Variants in SDK1 observed in about 807,000 individuals in gnomAD.
The protein encoded by SDK1 is protein sidekick-1.
A neutral mutation model predicts 245.5 loss-of-function variants in SDK1; 157 were observed. The observed-to-expected ratio is 0.64, with a 90% CI of 0.56 to 0.73. The LOEUF is 0.73. SDK1 is among the 30% of genes least tolerant of loss of function. The pLI is 0.00. For synonymous variants in SDK1, 1,647 were observed against 1,278.5 expected (o/e 1.29, Z -6.15); for missense variants, 3,583 against 3,002.3 (o/e 1.19, Z -4.52).
chr7:3,491,865 A>G (rs1196391619), intron 1 of SDK1, among the ~76,000 whole-genome samples: 1 of 152,258 alleles, frequency 6.6e-6, no homozygotes, highest in Non-Finnish European at 1.5e-5. Context: ...TTTGAAAATA[A>G]TTTCAATTTA....
intron 4 of SDK1, among the ~76,000 whole-genome samples, chr7:3,718,521 CAATAAATAAATAAATA>C (rs55995629): frequency 0.36 from 48,635 of 133,548 alleles, 9,169 homozygotes; most frequent in East Asian, 0.47. Flanking sequence ...AACTGTATCT[CAATAAATAAATAAATA>C]AATAAATAAA....
intron 4 of SDK1, among the ~76,000 whole-genome samples, chr7:3,776,890 C>T (rs2115006593): frequency 6.6e-6 from 1 of 152,212 alleles, no homozygotes; most frequent in South Asian, 2.1e-4. Context: ...TTCTCAAAAT[C>T]TCCATGGTAA....
intron 4 of SDK1, among the ~76,000 whole-genome samples, chr7:3,689,880 T>A (rs1784397806): frequency 6.6e-6 from 1 of 152,248 alleles, no homozygotes; most frequent in Admixed American, 6.5e-5. Context: ...ATGTTTTATT[T>A]AGAAATGCTT....
intron 1 of SDK1, among the ~76,000 whole-genome samples, chr7:3,566,771 T>C (rs967359180): frequency 2.9e-4 from 43 of 146,580 alleles, no homozygotes; most frequent in Non-Finnish European, 4.9e-4. Context: ...ATAAGAGATA[T>C]GACCACACAC....
chr7:3,813,315 T>A (rs1193742988), intron 4 of SDK1, among the ~76,000 whole-genome samples: 1 of 141,606 alleles, frequency 7.1e-6, no homozygotes, highest in Admixed American at 7.5e-5. Context: ...CCTGTGTCCA[T>A]GTGTTCTCAT....
intron 1 of SDK1, among the ~76,000 whole-genome samples, chr7:3,560,963 C>T (rs915790917): frequency 6.6e-6 from 1 of 152,338 alleles, no homozygotes; most frequent in South Asian, 2.1e-4. Context: ...TACAATTTCG[C>T]ACCAACCCCC....
chr7:3,334,878 T>C (rs541278941), intron 1 of SDK1, among the ~76,000 whole-genome samples: 2 of 152,260 alleles, frequency 1.3e-5, no homozygotes, highest in South Asian at 4.1e-4. Context: ...TCTTGATTTT[T>C]CTTTTTTTTC....
intron 5 of SDK1, among the ~76,000 whole-genome samples, chr7:3,880,970 A>G (rs1340113246): frequency 2.0e-5 from 3 of 152,230 alleles, no homozygotes; most frequent in African/African-American, 7.2e-5. Flanking sequence ...AGAAATGAGT[A>G]ACAAGCCGCC....
intron 1 of SDK1, among the ~76,000 whole-genome samples, chr7:3,394,253 A>C (rs960438477): frequency 3.3e-5 from 5 of 152,074 alleles, no homozygotes; most frequent in Non-Finnish European, 7.4e-5. Flanking sequence ...ATCTTTTTGC[A>C]TGTGGATATC....
In SDK1 at chr7:3,753,381, C is replaced by G. The variant is rs181170548; in HGVS notation, c.714-68069C>G. On this transcript the variant is annotated intron_variant, in intron 4 of 44. Transcript: ENST00000404826. ...ATTAGAGATGCAAGCATGCAGGTTT[C>G]CTAAACTGAAGAGACATTGCCCCTT... Among the ~76,000 whole-genome samples, 69 of 152,202 alleles carry G rather than the reference C, an allele frequency of 4.5e-4. 1 individual carries two copies. The highest frequency in any genetic ancestry group is 3.1e-3 in the Admixed American group (47 of 15,284).
At chr7:3,862,549 C>T (rs1242457679) in intron 5 of SDK1, among the ~76,000 whole-genome samples, 2 of 152,198 alleles carry the variant, frequency 1.3e-5, no homozygotes, top group Non-Finnish European at 2.9e-5. Context: ...TCAGATAATG[C>T]TTCCTAATTC....
At chr7:4,059,941 G>A (rs1007019035) in intron 19 of SDK1, among the ~76,000 whole-genome samples, 6 of 150,494 alleles carry the variant, frequency 4.0e-5, no homozygotes, top group Admixed American at 6.6e-5. Flanking sequence ...GTGCAGTGGC[G>A]CAGTCTCGGC....
chr7:3,688,683 G>T (rs1705973777), intron 4 of SDK1, among the ~76,000 whole-genome samples: 1 of 152,204 alleles, frequency 6.6e-6, no homozygotes, highest in African/African-American at 2.4e-5. Context: ...GGAGTAGATA[G>T]TATGTAAAGT....
At chr7:3,328,677 C>A (rs1416847456) in intron 1 of SDK1, among the ~76,000 whole-genome samples, 4 of 151,854 alleles carry the variant, frequency 2.6e-5, no homozygotes, top group African/African-American at 7.3e-5. Context: ...AAAATTCATA[C>A]AAATAGGATG....
At chr7:4,002,948 G>A (rs1785183400) in intron 14 of SDK1, among the ~76,000 whole-genome samples, 1 of 152,236 alleles carries the variant, frequency 6.6e-6, no homozygotes, top group African/African-American at 2.4e-5. Context: ...TTCCCAGAGG[G>A]CACTGGGCAG....
intron 44 of SDK1, among the ~76,000 whole-genome samples, chr7:4,248,861 A>T (rs1787100002): frequency 6.6e-6 from 1 of 152,148 alleles, no homozygotes; most frequent in Non-Finnish European, 1.5e-5. Context: ...ATGCATATAT[A>T]CACGTGCATG....
At chr7:4,185,060 C>G (rs141922665) in intron 35 of SDK1, among the ~76,000 whole-genome samples, 2,102 of 152,274 alleles carry the variant, frequency 0.014, 23 homozygotes, top group Middle Eastern at 0.02. Flanking sequence ...TCCTGAGGTG[C>G]CCAAAGCCAG....
intron 1 of SDK1, among the ~76,000 whole-genome samples, chr7:3,370,073 T>G (rs562057830): frequency 2.0e-5 from 3 of 152,336 alleles, no homozygotes; most frequent in Admixed American, 2.0e-4. Context: ...TAATAAATAG[T>G]ATGAACATCG....
chr7:4,101,443 G>A (rs895598020), intron 22 of SDK1, among the ~76,000 whole-genome samples: 16 of 152,126 alleles, frequency 1.1e-4, no homozygotes, highest in African/African-American at 2.2e-4. Context: ...CACCGCACCC[G>A]GCGGAAAAAT....
Sources: gnomAD v4.1 joint callset for allele counts (sites outside exome capture counted in the v4.1 genomes callset) on GRCh38, gnomAD v4.1.1 for gene constraint, MANE v1.5 for transcripts, NCBI Gene and HGNC (gene_info 2026-07-23, HGNC 2026-07-21) for gene names.